The following SPIRE2 variants were observed in gnomAD, a reference collection of about 807,000 sequenced individuals.
SPIRE2 encodes spire type actin nucleation factor 2.
A neutral mutation model predicts 80.7 loss-of-function variants in SPIRE2; 76 were observed. The observed-to-expected ratio is 0.94, with a 90% CI of 0.78 to 1.14. The LOEUF is 1.14. SPIRE2 is among the 50% of genes most tolerant of loss of function. The pLI, the probability that SPIRE2 is intolerant of heterozygous loss-of-function variation, is 0.00. For synonymous variants in SPIRE2, 535 were observed against 432.6 expected, an observed-to-expected ratio of 1.24 and a Z score of -2.94; for missense variants, 1,196 against 1,015.3, an observed-to-expected ratio of 1.18 and a Z score of -2.42.
intron 1 of SPIRE2, among the ~76,000 whole-genome samples, chr16:89,844,329 T>A (rs1458620286): frequency 6.6e-6 from 1 of 151,996 alleles, no homozygotes; most frequent in Non-Finnish European, 1.5e-5. Flanking sequence ...CCACTATGCC[T>A]GGCTCATTTT....
At position 89,859,283 on chromosome 16, in the gene SPIRE2, C is replaced by A. The variant is rs148431869; in HGVS notation, c.1391C>A (p.Pro464Gln). The A allele has an allele frequency of 3.0e-4, 474 of 1,604,592 alleles. 3 individuals carry two copies. In the African/African-American group the frequency reaches 5.6e-3, roughly 19 times the overall value. ...GGCCTGCAGTCGGCCACCCACCCCC[C>A]AGGAGGGACGGAGCCACCACGGCCC... Reference protein sequence around the residue: ...ASGLQSATHPPGGTEPPRPRA... With the variant: ...ASGLQSATHPQGGTEPPRPRA... The change falls in exon 9 of 15, where the codon CCA (proline) becomes CAA (glutamine). Residue 464 changes from proline to glutamine, a missense_variant. By Grantham distance (76) the Pro-to-Gln change is moderately conservative. Transcript: ENST00000378247.
intron 3 of SPIRE2, among the ~76,000 whole-genome samples, chr16:89,851,126 C>T (rs912762282): frequency 6.6e-6 from 1 of 152,162 alleles, no homozygotes; most frequent in Non-Finnish European, 1.5e-5. Context: ...TGGCCTCACA[C>T]TTTCTTCTTA....
At chr16:89,845,645 A>G in intron 2 of SPIRE2, 1 of 700,222 alleles carries the variant, frequency 1.4e-6, no homozygotes, top group Non-Finnish European at 2.6e-6. Context: ...TGAGGGGCAC[A>G]GCTGACGTCT....
Position 89,863,791 on chromosome 16 carries a change from C to CA in SPIRE2, c.1711-2dup. 6.2e-7 allele frequency: 1 copy of CA among 1,614,022 alleles called. No individual in the cohort carries two copies. Among genetic ancestry groups the CA allele is most frequent in the Non-Finnish European group, 8.5e-7 (1 of 1,179,936 alleles). On this transcript the variant is annotated splice_polypyrimidine_tract_variant and splice_region_variant and intron_variant, in intron 11 of 14. Coordinates refer to ENST00000378247, the MANE Select transcript of SPIRE2 (RefSeq NM_032451.2). The surrounding 1 kb of genome is among the most constrained non-coding windows in gnomAD (Gnocchi z 4.3). ...CGGGGCTCTAACCAGTCTCTCCTGA[C>CA]AGATTTGCTGCTGCTGCCGGGCCAA...
chr16:89,856,107 C>T lies in SPIRE2; in HGVS notation c.979-6C>T. On this transcript the variant is annotated splice_polypyrimidine_tract_variant and splice_region_variant and intron_variant, in intron 6 of 14. Transcript: ENST00000378247. ...CCCCACCGCAGGTCTCGCTTCCCCA[C>T]CGCAGGTCTCTGAGAGGCGGCTGCG... 2 of 1,611,468 alleles carry T rather than the reference C, an allele frequency of 1.2e-6. No individual in the cohort carries two copies. Among genetic ancestry groups the T allele is most frequent in the Non-Finnish European group, 8.5e-7 (1 of 1,179,600 alleles).
At chr16:89,860,927 G>A (rs374427177) in intron 10 of SPIRE2, 132 bp downstream of exon 10, 48 of 578,230 alleles carry the variant, frequency 8.3e-5, no homozygotes, top group South Asian at 7.9e-4. Context: ...GTCCGTCTGG[G>A]GGGGCGCGGT....
At position 89,850,335 on chromosome 16, in the gene SPIRE2, G is replaced by A. The variant is rs746354602; in HGVS notation, c.320G>A (p.Arg107His). ...CAGTCCCTCGGCTTCGCCATCTACC[G>A]CGCGCTGGACTGGGGGCTGGACGAG... Reference protein sequence around the residue: ...TVQSLGFAIYRALDWGLDESE... With the variant: ...TVQSLGFAIYHALDWGLDESE... Residue 107 changes from arginine to histidine, a missense_variant, in exon 3 of 15, where the codon CGC becomes CAC. Transcript: ENST00000378247. The A allele has an allele frequency of 3.7e-6, 6 of 1,601,208 alleles. No individual in the cohort carries two copies. The highest frequency in any genetic ancestry group is 1.7e-5 in the Admixed American group (1 of 58,944).
chr16:89,850,835 G>T (rs181291727), intron 3 of SPIRE2, among the ~76,000 whole-genome samples, 175 bp downstream of exon 3: 17,858 of 151,384 alleles, frequency 0.12, 1,275 homozygotes, highest in East Asian at 0.23. Flanking sequence ...TTGTTTTTTT[G>T]TTGTTGTTGT....
chr16:89,859,768 G>T (rs755280132), intron 9 of SPIRE2, among the ~76,000 whole-genome samples: 3 of 152,094 alleles, frequency 2.0e-5, no homozygotes, highest in African/African-American at 7.2e-5. Flanking sequence ...TCCTTTTCGC[G>T]CTGCTGAGCA....
At position 89,863,503 on chromosome 16, in the gene SPIRE2, G is replaced by T. The variant is rs2041761914; in HGVS notation, c.1603G>T (p.Ala535Ser). The part of the protein sequence containing the change: ...LEFSHPVESL[A>S]LTVEEVMDVR... ...GTTCAGCCACCCCGTGGAGAGCCTG[G>T]CGCTGACTGTGGAAGAGGTGATGGA... The change falls in exon 11 of 15, where the codon GCG becomes TCG. Residue 535 changes from alanine to serine, a missense_variant. Coordinates refer to ENST00000378247, the MANE Select transcript of SPIRE2 (RefSeq NM_032451.2). The surrounding 1 kb of genome is among the most constrained non-coding windows in gnomAD (Gnocchi z 4.3). 4.3e-6 allele frequency: 7 copies of T among 1,614,090 alleles called. No individual in the cohort carries two copies. The highest frequency in any genetic ancestry group is 5.9e-6 in the Non-Finnish European group (7 of 1,180,030).
At chr16:89,846,912 C>T (rs1230532803) in intron 2 of SPIRE2, 1 of 149,274 alleles carries the variant, frequency 6.7e-6, no homozygotes, top group Non-Finnish European at 1.5e-5. Flanking sequence ...TCAAGCAATT[C>T]TCCTGCCTCA....
Position 89,845,379 on chromosome 16 carries a change from A to C in SPIRE2, c.288+14A>C. ...TCGGAAGCCCAGGTACTTTTTAAAA[A>C]ATTCCAAGTATTACTTGATGTGTGT... On this transcript the variant is annotated intron_variant, in intron 2 of 14. Transcript: ENST00000378247. 6.2e-7 allele frequency: 1 copy of C among 1,608,976 alleles called. No individual in the cohort carries two copies.
In SPIRE2 at chr16:89,869,696, C is replaced by G. The variant is rs1357229281; in HGVS notation, c.1922+14C>G. On this transcript the variant is annotated intron_variant, in intron 14 of 14. Coordinates refer to ENST00000378247, the MANE Select transcript of SPIRE2 (RefSeq NM_032451.2). ...AGACATCTTTCAGTGCGTTCTTCGC[C>G]TTGCTGCTGATGTCACTGTGGTGGT... The G allele has an allele frequency of 6.3e-7, 1 of 1,591,914 alleles. No homozygotes were observed. The highest frequency in any genetic ancestry group is 2.2e-5 in the East Asian group (1 of 44,792).
rs147630195 is a variant in SPIRE2 at position 89,867,160 on chromosome 16, T to C, written c.1779-1029T>C. On this transcript the variant is annotated intron_variant, in intron 12 of 14. Coordinates refer to ENST00000378247, the MANE Select transcript of SPIRE2 (RefSeq NM_032451.2). ...TTGTTGTTGTTTGCTTTTTGTTTTT[T>C]TTGAGACAGAGTCTCTCTCTGTCAC... is the stretch of plus-strand genomic sequence containing the variant. Among the ~76,000 whole-genome samples the C allele has an allele frequency of 5.0e-3, 764 of 152,122 alleles. 4 individuals are homozygous for C. Among genetic ancestry groups the C allele is most frequent in the African/African-American group, 0.017 (710 of 41,496 alleles).
Position 89,863,143 on chromosome 16 carries a change from G to A in SPIRE2, c.1576-333G>A, listed in dbSNP as rs1472703408. 1 of 337,730 alleles carries A rather than the reference G, an allele frequency of 3.0e-6. No individual in the cohort carries two copies. Among genetic ancestry groups the A allele is most frequent in the Non-Finnish European group, 5.6e-6 (1 of 179,354 alleles). 20.9% of individuals were successfully genotyped at this position (337,730 alleles called of 1,614,324 possible). A position where few individuals can be genotyped will look rare whatever the true frequency, so the allele number is the denominator to read the frequency against. ...GCTCAGGGAGGGAAGGTTTGAGATG[G>A]ATTCTGGCTGGTGTGGATCAGCCCA... On this transcript the variant is annotated intron_variant, in intron 10 of 14. Transcript: ENST00000378247. The surrounding 1 kb of genome is among the most constrained non-coding windows in gnomAD (Gnocchi z 4.3).
At chr16:89,852,621 C>A (rs79261087) in intron 3 of SPIRE2, among the ~76,000 whole-genome samples, 5 of 42,612 alleles carry the variant, frequency 1.2e-4, no homozygotes, top group African/African-American at 2.6e-4. Context: ...CCCAGATCCC[C>A]TGGCCCGTCT....
intron 7 of SPIRE2, among the ~76,000 whole-genome samples, chr16:89,858,037 C>T (rs2041707931): frequency 1.3e-5 from 2 of 152,024 alleles, no homozygotes; most frequent in African/African-American, 4.8e-5. Flanking sequence ...CGCGTGCCAC[C>T]ACGCCTGGCT....
At chr16:89,857,474 G>A (rs577964564) in intron 7 of SPIRE2, among the ~76,000 whole-genome samples, 13 of 151,936 alleles carry the variant, frequency 8.6e-5, no homozygotes, top group African/African-American at 3.1e-4. Flanking sequence ...GTCTTCACCT[G>A]TATTTGCCAC....
At chr16:89,864,556 C>T (rs2041772704) in intron 12 of SPIRE2, among the ~76,000 whole-genome samples, 1 of 152,198 alleles carries the variant, frequency 6.6e-6, no homozygotes, top group Admixed American at 6.6e-5. Flanking sequence ...ATTTACCTTC[C>T]CTTGTTCTAA....
Sources: allele counts gnomAD v4.1 joint callset (sites outside exome capture counted in the v4.1 genomes callset), GRCh38; gene constraint gnomAD v4.1.1; non-coding constraint Gnocchi (gnomAD v3.1); transcripts MANE v1.5; gene names NCBI Gene and HGNC (gene_info 2026-07-23, HGNC 2026-07-21).